PTPRD: variants seen among roughly 807,000 people sequenced by gnomAD.
PTPRD encodes the protein receptor-type tyrosine-protein phosphatase delta.
In PTPRD, 34 loss-of-function variants were observed where a neutral mutation model predicts 214.5. The observed-to-expected ratio is 0.16, with a 90% CI of 0.12 to 0.21. PTPRD has a LOEUF of 0.21. Ranked by LOEUF, PTPRD falls within the 10% of genes least tolerant of loss-of-function variation. PTPRD has a pLI of 1.00. For synonymous variants in PTPRD, 1,128 were observed against 845.7 expected, an observed-to-expected ratio of 1.33 and a Z score of -5.79; for missense variants, 2,545 against 2,398.7, an observed-to-expected ratio of 1.06 and a Z score of -1.27.
intron 11 of PTPRD, among the ~76,000 whole-genome samples, chr9:8,820,747 T>C (rs145211190): frequency 6.6e-6 from 1 of 152,072 alleles, no homozygotes; most frequent in East Asian, 1.9e-4. Flanking sequence ...ACACACACTT[T>C]TTGTGTATGT....
intron 3 of PTPRD, among the ~76,000 whole-genome samples, chr9:10,258,467 T>C (rs915435146): frequency 1.3e-5 from 2 of 152,210 alleles, no homozygotes; most frequent in African/African-American, 4.8e-5. Flanking sequence ...CTACTAATAA[T>C]GTGTTTAGAT....
chr9:9,801,633 A>G (rs1022411718), intron 5 of PTPRD, among the ~76,000 whole-genome samples: 1 of 152,064 alleles, frequency 6.6e-6, no homozygotes, highest in African/African-American at 2.4e-5. Flanking sequence ...CAATTCTGAA[A>G]ATTCATTTTA....
At chr9:9,398,369 C>T (rs2068733625) in intron 8 of PTPRD, among the ~76,000 whole-genome samples, 1 of 151,902 alleles carries the variant, frequency 6.6e-6, no homozygotes, top group African/African-American at 2.4e-5. Context: ...GTTCATTGTT[C>T]CCTACCCAGA....
intron 3 of PTPRD, among the ~76,000 whole-genome samples, chr9:10,196,936 TG>T (rs1301824059): frequency 6.6e-6 from 1 of 152,130 alleles, no homozygotes; most frequent in Non-Finnish European, 1.5e-5. Flanking sequence ...GTGAAGAAGA[TG>T]GTCCTCTATG....
intron 2 of PTPRD, among the ~76,000 whole-genome samples, chr9:10,398,287 G>A (rs1274939250): frequency 1.3e-5 from 2 of 151,532 alleles, no homozygotes; most frequent in Non-Finnish European, 1.5e-5. Flanking sequence ...ACCTGAATTG[G>A]GAAAAATTGC....
intron 8 of PTPRD, among the ~76,000 whole-genome samples, chr9:9,409,710 A>G (rs2074737238): frequency 6.6e-6 from 1 of 152,098 alleles, no homozygotes; most frequent in Non-Finnish European, 1.5e-5. Flanking sequence ...AATCGTAGAA[A>G]AGCCCAGGAC....
chr9:10,321,291 A>G (rs1210331741), intron 3 of PTPRD, among the ~76,000 whole-genome samples: 2 of 152,076 alleles, frequency 1.3e-5, no homozygotes, highest in Non-Finnish European at 2.9e-5. Context: ...GCAGTCAGAG[A>G]AAACATCTCT....
intron 6 of PTPRD, among the ~76,000 whole-genome samples, chr9:9,754,335 A>C (rs2098549080): frequency 6.6e-6 from 1 of 152,068 alleles, no homozygotes; most frequent in Non-Finnish European, 1.5e-5. Context: ...GTAAACTTTT[A>C]CTGGAAGAAA....
At chr9:8,518,462 C>A (rs996836078) in intron 20 of PTPRD, 33 bp from the exon 21 acceptor site, 7 of 1,409,430 alleles carry the variant, frequency 5.0e-6, no homozygotes, top group Non-Finnish European at 5.8e-6. Flanking sequence ...ACAATGACTA[C>A]CCATCATCCC....
intron 11 of PTPRD, among the ~76,000 whole-genome samples, chr9:8,923,629 A>T (rs762403487): frequency 6.6e-5 from 10 of 152,224 alleles, no homozygotes; most frequent in Non-Finnish European, 1.2e-4. Flanking sequence ...TGCAAAAAAA[A>T]GTTACTCAGA....
At chr9:8,743,228 G>A (rs983920754) in intron 11 of PTPRD, among the ~76,000 whole-genome samples, 1 of 152,106 alleles carries the variant, frequency 6.6e-6, no homozygotes, top group African/African-American at 2.4e-5. Flanking sequence ...ATGGGAATAT[G>A]GATGACACCC....
intron 3 of PTPRD, among the ~76,000 whole-genome samples, chr9:10,049,306 A>G (rs577473576): frequency 4.6e-4 from 70 of 152,014 alleles, no homozygotes; most frequent in African/African-American, 1.7e-3. Context: ...GTCCATACTT[A>G]GAAACTGGCC....
At position 10,438,008 on chromosome 9, in the gene PTPRD, C is replaced by CATATAT. The variant is rs71485332; in HGVS notation, c.-599-96997_-599-96992dup. Among the ~76,000 whole-genome samples, 151 of 125,140 alleles carry CATATAT rather than the reference C, an allele frequency of 1.2e-3. 4 individuals carry two copies. Among genetic ancestry groups the CATATAT allele is most frequent in the East Asian group, 3.5e-3 (15 of 4,312 alleles). The allele number at this position is 125,140 out of a possible 152,430, so 82.1% of individuals were successfully genotyped here. On this transcript the variant is annotated intron_variant, in intron 2 of 45. Transcript: ENST00000381196. The stretch of plus-strand genomic sequence containing the variant: ...CTGGACTATCAGCTCCCTAAGTCTA[C>CATATAT]ATATATATATATATATATATAGTGA...
chr9:9,442,375 T>C (rs2088395615), intron 8 of PTPRD: 1 of 152,236 alleles, frequency 6.6e-6, no homozygotes, highest in Admixed American at 6.5e-5. Flanking sequence ...GAGACAAATA[T>C]CCATTAGTGA....
At chr9:8,849,922 T>C (rs1229292283) in intron 11 of PTPRD, among the ~76,000 whole-genome samples, 2 of 151,848 alleles carry the variant, frequency 1.3e-5, no homozygotes, top group Non-Finnish European at 2.9e-5. Flanking sequence ...AAAAACCACC[T>C]AAGAAGCTGC....
At chr9:10,113,930 G>C (rs1473648059) in intron 3 of PTPRD, among the ~76,000 whole-genome samples, 1 of 152,272 alleles carries the variant, frequency 6.6e-6, no homozygotes, top group East Asian at 1.9e-4. Flanking sequence ...CATAACCTTG[G>C]CCTTTTTAAT....
intron 32 of PTPRD, among the ~76,000 whole-genome samples, chr9:8,464,632 C>T (rs751640933): frequency 1.1e-4 from 16 of 151,812 alleles, no homozygotes; most frequent in African/African-American, 3.4e-4. Flanking sequence ...GATTAGAAAA[C>T]GAAGTTTATA....
At chr9:10,085,932 T>C (rs291323) in intron 3 of PTPRD, among the ~76,000 whole-genome samples, 43,995 of 151,676 alleles carry the variant, frequency 0.29, 6,822 homozygotes, top group East Asian at 0.52. Context: ...TGAAATCTAA[T>C]ATGATATGAG....
At chr9:8,786,559 C>T (rs1438614979) in intron 11 of PTPRD, among the ~76,000 whole-genome samples, 3 of 151,776 alleles carry the variant, frequency 2.0e-5, no homozygotes, top group East Asian at 1.9e-4. Context: ...GGATTACAGG[C>T]GCCCGCCACC....
Sources: gnomAD v4.1 joint callset for allele counts (sites outside exome capture counted in the v4.1 genomes callset) on GRCh38, gnomAD v4.1.1 for gene constraint, MANE v1.5 for transcripts, NCBI Gene and HGNC (gene_info 2026-07-23, HGNC 2026-07-21) for gene names.